Variants in LYPLA2 observed in about 807,000 individuals in gnomAD.
LYPLA2 encodes lysophospholipase 2.
In LYPLA2, 7 loss-of-function variants were observed where a neutral mutation model predicts 30.3. The ratio of observed to expected loss-of-function variants is 0.23; its 90% CI spans 0.13 to 0.43. LYPLA2 has a LOEUF of 0.43. Ranked by LOEUF, LYPLA2 falls within the 20% of genes least tolerant of loss-of-function variation. LYPLA2 has a pLI of 1.00. For synonymous variants in LYPLA2, 112 were observed against 118.2 expected (o/e 0.95, Z 0.34); for missense variants, 206 against 307.9 (o/e 0.67, Z 2.48).
chr1:23,792,416 C>G (rs917636126), intron 1 of LYPLA2: 1 of 506,142 alleles, frequency 2.0e-6, no homozygotes, highest in African/African-American at 2.0e-5. Context: ...AAGCTCAGGT[C>G]CTGTGGTTGG....
At chr1:23,792,244 T>C (rs1209946310) in intron 1 of LYPLA2, among the ~76,000 whole-genome samples, 1 of 151,522 alleles carries the variant, frequency 6.6e-6, no homozygotes, top group Non-Finnish European at 1.5e-5. Context: ...CCATTTCCCA[T>C]AGGGCCCGGA....
In LYPLA2 at chr1:23,795,378, T is replaced by A. The variant is rs367816671; in HGVS notation, c.*646T>A. The A allele has an allele frequency of 4.9e-6, 1 of 205,072 alleles. No individual in the cohort carries two copies. The highest frequency in any genetic ancestry group is 1.0e-5 in the Non-Finnish European group (1 of 99,410). 12.7% of individuals were successfully genotyped at this position (205,072 alleles called of 1,614,324 possible). On this transcript the variant is annotated 3_prime_UTR_variant, in exon 10 of 10. Transcript: ENST00000374514. ...GGAGCCTGTAGGGCTGGACTGAGGT[T>A]CAGGTCTCCCCCCAGCTGTCTCACC...
Position 23,794,753 on chromosome 1 carries a change from A to G in LYPLA2, c.*21A>G, listed in dbSNP as rs201420801. 1 of 1,613,850 alleles carries G rather than the reference A, an allele frequency of 6.2e-7. No homozygotes were observed. The highest frequency in any genetic ancestry group is 8.5e-7 in the Non-Finnish European group (1 of 1,179,796). On this transcript the variant is annotated 3_prime_UTR_variant, in exon 10 of 10. Coordinates refer to ENST00000374514, the MANE Select transcript of LYPLA2 (RefSeq NM_007260.3). The surrounding 1 kb of genome is among the most constrained non-coding windows in gnomAD (Gnocchi z 5.9). Reference sequence around the variant, plus strand: ...TCTAACTAGTCGCTGGCCCCAGTGCAGTACCCCAGCTCATGGGGGACTCAG... The same window carrying G: ...TCTAACTAGTCGCTGGCCCCAGTGCGGTACCCCAGCTCATGGGGGACTCAG...
In LYPLA2 at chr1:23,793,946, C is replaced by T. The variant is rs1276986038; in HGVS notation, c.295+16C>T. On this transcript the variant is annotated intron_variant, in intron 6 of 9. Transcript: ENST00000374514. The surrounding 1 kb of genome is among the most constrained non-coding windows in gnomAD (Gnocchi z 6.0). Reference sequence around the variant, plus strand: ...GCAGAGAACAGTAAGACCCCAGCCCCTCCTCCACATCCTCCTTCCCCTGCC... The same window carrying T: ...GCAGAGAACAGTAAGACCCCAGCCCTTCCTCCACATCCTCCTTCCCCTGCC... 3.1e-6 allele frequency: 5 copies of T among 1,611,456 alleles called. No individual in the cohort carries two copies. The highest frequency in any genetic ancestry group is 2.7e-5 in the African/African-American group (2 of 74,818).
rs2148405977 is a variant in LYPLA2 at position 23,793,202 on chromosome 1, C to T, written c.162C>T (p.Tyr54=). The T allele has an allele frequency of 1.2e-6, 2 of 1,613,806 alleles. No homozygotes were observed. Among genetic ancestry groups the T allele is most frequent in the East Asian group, 2.2e-5 (1 of 44,868 alleles). ...CCATCCGGCTCCCTCACGTCAAGTA[C>T]ATCTGTCCCCATGCGTGAGTGTCAC... ...LSTIRLPHVK[Y]ICPHAPRIPV... is the part of the protein sequence containing the mutation. Residue 54 remains tyrosine, a synonymous_variant, in exon 4 of 10, where the codon TAC becomes TAT. Transcript: ENST00000374514. This position sits in a 1 kb window ranked among gnomAD's most constrained non-coding sequence, Gnocchi z 6.0.
rs746992816 is a variant in LYPLA2 at position 23,794,328 on chromosome 1, G to T, written c.471+3G>T. 6.2e-7 allele frequency: 1 copy of T among 1,611,166 alleles called. No individual in the cohort carries two copies. The highest frequency in any genetic ancestry group is 2.2e-5 in the East Asian group (1 of 44,818). On this transcript the variant is annotated splice_donor_region_variant and intron_variant, in intron 8 of 9. Coordinates refer to ENST00000374514, the MANE Select transcript of LYPLA2 (RefSeq NM_007260.3). The surrounding 1 kb of genome is among the most constrained non-coding windows in gnomAD (Gnocchi z 5.9). ...CTCTGCACCGGGCCTTCCCCCAGGT[G>T]AATGTCCCCACTGACCCCCCCGCCC...
In LYPLA2 at chr1:23,793,196, C is replaced by G. The variant is rs745481334; in HGVS notation, c.156C>G (p.Val52=). Residue 52 remains valine, a synonymous_variant, in exon 4 of 10, where the codon GTC becomes GTG. Coordinates refer to ENST00000374514, the MANE Select transcript of LYPLA2 (RefSeq NM_007260.3). This position sits in a 1 kb window ranked among gnomAD's most constrained non-coding sequence, Gnocchi z 6.0. ...DALSTIRLPH[V]KYICPHAPRI... ...TCTCCACCATCCGGCTCCCTCACGTCAAGTACATCTGTCCCCATGCGTGAG... is the reference window on the plus strand; with the variant it reads ...TCTCCACCATCCGGCTCCCTCACGTGAAGTACATCTGTCCCCATGCGTGAG... 4.3e-6 allele frequency: 7 copies of G among 1,613,928 alleles called. No individual in the cohort carries two copies. Among genetic ancestry groups the G allele is most frequent in the Middle Eastern group, 1.7e-4 (1 of 5,974 alleles).
chr1:23,791,952 T>G (rs1175189506), intron 1 of LYPLA2: 1 of 152,094 alleles, frequency 6.6e-6, no homozygotes. Flanking sequence ...CATTCTTTTG[T>G]GTGTTTGGGA....
chr1:23,793,512 C>T lies in LYPLA2; in HGVS notation c.177-193C>T. Reference sequence around the variant, plus strand: ...CCGTCACACCAAGCGCTGGGCTCTGCTTCTCCATTACTGGCGCTTTGCCCC... The same window carrying T: ...CCGTCACACCAAGCGCTGGGCTCTGTTTCTCCATTACTGGCGCTTTGCCCC... On this transcript the variant is annotated intron_variant, in intron 4 of 9. Transcript: ENST00000374514. The surrounding 1 kb of genome is among the most constrained non-coding windows in gnomAD (Gnocchi z 6.0). 1 of 677,630 alleles carries T rather than the reference C, an allele frequency of 1.5e-6. No individual in the cohort carries two copies. Among genetic ancestry groups the T allele is most frequent in the Admixed American group, 2.5e-5 (1 of 40,202 alleles). 42.0% of individuals were successfully genotyped at this position (677,630 alleles called of 1,614,324 possible).
At position 23,793,070 on chromosome 1, in the gene LYPLA2, G is replaced by A. The variant is rs759975979; in HGVS notation, c.110+31G>A. ...TGACTGAGGAGGGGTGCTCCTTAAG[G>A]AGGGGTCCTGGCCCAGCAGCGGACT... On this transcript the variant is annotated intron_variant, in intron 3 of 9. Transcript: ENST00000374514. The surrounding 1 kb of genome is among the most constrained non-coding windows in gnomAD (Gnocchi z 6.0). 1 of 1,613,598 alleles carries A rather than the reference G, an allele frequency of 6.2e-7. No individual in the cohort carries two copies. Among genetic ancestry groups the A allele is most frequent in the South Asian group, 1.1e-5 (1 of 91,056 alleles).
At chr1:23,792,783 G>A (rs764720606) in intron 2 of LYPLA2, 23 bp downstream of exon 2, 2 of 1,589,506 alleles carry the variant, frequency 1.3e-6, no homozygotes, top group South Asian at 1.1e-5. Context: ...TTTCACCCAC[G>A]GCCAGACACT....
At chr1:23,792,180 T>G (rs372410900) in intron 1 of LYPLA2, among the ~76,000 whole-genome samples, 5 of 149,066 alleles carry the variant, frequency 3.4e-5, no homozygotes, top group African/African-American at 7.4e-5. Context: ...GAGATGGGGG[T>G]TGGAGGCGGC....
chr1:23,792,593 C>G, intron 1 of LYPLA2, 64 bp from the exon 2 acceptor site: 1 of 1,009,864 alleles, frequency 9.9e-7, no homozygotes, highest in Non-Finnish European at 1.6e-6. Flanking sequence ...GCCTGGTGGC[C>G]TCTTGGGCCA....
chr1:23,792,797 G>C (rs1570621275), intron 2 of LYPLA2, 37 bp downstream of exon 2: 3 of 1,560,472 alleles, frequency 1.9e-6, no homozygotes, highest in East Asian at 2.2e-5. Context: ...AGACACTGTG[G>C]GAGCAGCTGG....
chr1:23,793,185 C>G lies in LYPLA2; in HGVS notation c.145C>G (p.Leu49Val). 6 of 1,614,002 alleles carry G rather than the reference C, an allele frequency of 3.7e-6. No homozygotes were observed. Among genetic ancestry groups the G allele is most frequent in the Non-Finnish European group, 5.1e-6 (6 of 1,179,944 alleles). Residue 49 changes from leucine to valine, a missense_variant, in exon 4 of 10, where the codon CTC becomes GTC. Leu to Val is a conservative substitution (Grantham distance 32). Coordinates refer to ENST00000374514, the MANE Select transcript of LYPLA2 (RefSeq NM_007260.3). This position sits in a 1 kb window ranked among gnomAD's most constrained non-coding sequence, Gnocchi z 6.0. ...GGCTGACGCCCTCTCCACCATCCGG[C>G]TCCCTCACGTCAAGTACATCTGTCC... The part of the protein sequence containing the change: ...SWADALSTIR[L>V]PHVKYICPHA...
Position 23,794,535 on chromosome 1 carries a change from G to A in LYPLA2, c.580G>A (p.Val194Ile). ...GALTAEKLRS[V>I]VTPARVQFKT... ...CCTGACGGCTGAGAAGCTCCGGTCT[G>A]TTGTCACACCTGCCAGGGTCCAGTT... Residue 194 changes from valine (V) to isoleucine (I), a missense_variant, in exon 9 of 10, where the codon GTT (valine) becomes ATT (isoleucine). By Grantham distance (29) the Val-to-Ile change is conservative (BLOSUM62 3). Coordinates refer to ENST00000374514, the MANE Select transcript of LYPLA2 (RefSeq NM_007260.3). This position sits in a 1 kb window ranked among gnomAD's most constrained non-coding sequence, Gnocchi z 5.9. 1 of 1,614,146 alleles carries A rather than the reference G, an allele frequency of 6.2e-7. No homozygotes were observed. Among genetic ancestry groups the A allele is most frequent in the Non-Finnish European group, 8.5e-7 (1 of 1,180,004 alleles).
Position 23,794,528 on chromosome 1 carries a change from C to T in LYPLA2, c.573C>T (p.Leu191=). Residue 191 remains leucine, a synonymous_variant, in exon 9 of 10, where the codon CTC becomes CTT. Coordinates refer to ENST00000374514, the MANE Select transcript of LYPLA2 (RefSeq NM_007260.3). The surrounding 1 kb of genome is among the most constrained non-coding windows in gnomAD (Gnocchi z 5.9). ...TTGGGGCCCTGACGGCTGAGAAGCT[C>T]CGGTCTGTTGTCACACCTGCCAGGG... is the stretch of plus-strand genomic sequence containing the variant. ...VRFGALTAEK[L]RSVVTPARVQ... is the part of the protein sequence containing the mutation. 1 of 1,614,086 alleles carries T rather than the reference C, an allele frequency of 6.2e-7. No homozygotes were observed. The highest frequency in any genetic ancestry group is 1.1e-5 in the South Asian group (1 of 91,082).
chr1:23,792,907 A>T (rs1183089334), intron 2 of LYPLA2, 101 bp from the exon 3 acceptor site: 17 of 1,358,686 alleles, frequency 1.3e-5, no homozygotes, highest in Non-Finnish European at 1.6e-5. Flanking sequence ...TTTGGCTGCT[A>T]CCTGGGTTCC....
chr1:23,792,403 A>C, intron 1 of LYPLA2: 1 of 472,774 alleles, frequency 2.1e-6, no homozygotes, highest in Non-Finnish European at 3.8e-6. Context: ...GCCTGTCTCC[A>C]GCAAGCTCAG....
Sources: allele counts gnomAD v4.1 joint callset (sites outside exome capture counted in the v4.1 genomes callset), GRCh38; gene constraint gnomAD v4.1.1; non-coding constraint Gnocchi (gnomAD v3.1); transcripts MANE v1.5; gene names NCBI Gene and HGNC (gene_info 2026-07-23, HGNC 2026-07-21).